Variants in ZDHHC14 observed in about 807,000 individuals in gnomAD.
ZDHHC14 encodes the protein palmitoyltransferase ZDHHC14.
ZDHHC14 carries 16 observed loss-of-function variants against 47.7 expected under a neutral mutation model. That is an observed-to-expected ratio of 0.34 (90% CI 0.23 to 0.51). The LOEUF (loss-of-function observed/expected upper bound fraction) is 0.51, where lower values mean the gene tolerates loss of function less well. Ranked by LOEUF, ZDHHC14 falls within the 20% of genes least tolerant of loss-of-function variation. The pLI is 0.97. For missense variants in ZDHHC14, 515 were observed against 662.5 expected (o/e 0.78, Z 2.44); for synonymous variants, 293 against 278.9 (o/e 1.05, Z -0.50).
At chr6:157,547,993 A>G (rs149423287) in intron 2 of ZDHHC14, among the ~76,000 whole-genome samples, 2,122 of 151,852 alleles carry the variant, frequency 0.014, 51 homozygotes, top group African/African-American at 0.049. Context: ...ATTTTTGCCT[A>G]ATGAGTAGTC....
chr6:157,560,005 T>C (rs1028438264), intron 2 of ZDHHC14, among the ~76,000 whole-genome samples: 1 of 152,164 alleles, frequency 6.6e-6, no homozygotes, highest in Non-Finnish European at 1.5e-5. Context: ...TAGAAGCAAT[T>C]TCTATGCATA....
intron 1 of ZDHHC14, among the ~76,000 whole-genome samples, chr6:157,405,877 C>T (rs143629152): frequency 5.3e-5 from 8 of 152,142 alleles, no homozygotes; most frequent in Admixed American, 4.6e-4. Flanking sequence ...TGTGATGGAG[C>T]GGGTGTGCTA....
chr6:157,650,344 G>A (rs1268918064), intron 7 of ZDHHC14, among the ~76,000 whole-genome samples: 1 of 152,088 alleles, frequency 6.6e-6, no homozygotes, highest in Non-Finnish European at 1.5e-5. Context: ...ACACTGATGG[G>A]GTTAATGTCA....
intron 1 of ZDHHC14, among the ~76,000 whole-genome samples, chr6:157,541,528 T>C (rs1369552586): frequency 6.6e-6 from 1 of 152,200 alleles, no homozygotes; most frequent in Non-Finnish European, 1.5e-5. Context: ...CTTGAGAACA[T>C]AGAAGAGAAT....
intron 3 of ZDHHC14, among the ~76,000 whole-genome samples, chr6:157,608,188 CA>C (rs1478517363): frequency 6.6e-6 from 1 of 152,204 alleles, no homozygotes; most frequent in African/African-American, 2.4e-5. Context: ...TGTATGTGCT[CA>C]GGGGGCGTCC....
chr6:157,550,543 A>G (rs551879705), intron 2 of ZDHHC14, among the ~76,000 whole-genome samples: 1 of 152,022 alleles, frequency 6.6e-6, no homozygotes, highest in Non-Finnish European at 1.5e-5. Context: ...GAGAGACCAC[A>G]GTGTCACACA....
At chr6:157,661,072 C>T (rs1778324230) in intron 8 of ZDHHC14, among the ~76,000 whole-genome samples, 1 of 151,858 alleles carries the variant, frequency 6.6e-6, no homozygotes, top group Non-Finnish European at 1.5e-5. Context: ...ATGTTTCAAG[C>T]CAACAAAGCA....
chr6:157,632,992 C>T (rs970754883), intron 5 of ZDHHC14, 110 bp downstream of exon 5: 97 of 1,181,420 alleles, frequency 8.2e-5, no homozygotes, highest in Non-Finnish European at 1.1e-4. Context: ...TCTCATGTAT[C>T]TTATTCCAAA....
chr6:157,626,513 T>C (rs1055211644), intron 3 of ZDHHC14, among the ~76,000 whole-genome samples: 9 of 151,842 alleles, frequency 5.9e-5, no homozygotes, highest in African/African-American at 2.2e-4. Context: ...AAACACTTAA[T>C]TTTTTTTAGA....
intron 2 of ZDHHC14, among the ~76,000 whole-genome samples, chr6:157,560,923 G>T (rs907895468): frequency 2.6e-5 from 4 of 152,220 alleles, no homozygotes; most frequent in African/African-American, 9.6e-5. Context: ...GAGGCGTGGC[G>T]TGTCTAATCA....
At chr6:157,595,983 C>T (rs1049445339) in intron 3 of ZDHHC14, among the ~76,000 whole-genome samples, 3 of 152,162 alleles carry the variant, frequency 2.0e-5, no homozygotes, top group African/African-American at 4.8e-5. Context: ...AGGAGCACAC[C>T]GCAAGCCGCG....
intron 5 of ZDHHC14, among the ~76,000 whole-genome samples, chr6:157,638,427 G>A (rs1434207940): frequency 2.0e-5 from 3 of 152,146 alleles, no homozygotes; most frequent in African/African-American, 4.8e-5. Flanking sequence ...GCCATGGAGC[G>A]GCTGCCCCGT....
chr6:157,423,473 G>A (rs1218852866), intron 1 of ZDHHC14, among the ~76,000 whole-genome samples: 1 of 152,066 alleles, frequency 6.6e-6, no homozygotes, highest in Non-Finnish European at 1.5e-5. Context: ...TAATAAGCAG[G>A]ATTATATTTT....
intron 1 of ZDHHC14, among the ~76,000 whole-genome samples, chr6:157,428,061 A>G (rs1262462028): frequency 6.6e-6 from 1 of 152,156 alleles, no homozygotes; most frequent in Non-Finnish European, 1.5e-5. Flanking sequence ...TCTGCTGTCG[A>G]TATGTGCTAT....
intron 1 of ZDHHC14, among the ~76,000 whole-genome samples, chr6:157,406,496 C>G (rs1777767971): frequency 6.6e-6 from 1 of 152,152 alleles, no homozygotes; most frequent in African/African-American, 2.4e-5. Flanking sequence ...GTGGAGTATT[C>G]CCAGCTTCAG....
intron 1 of ZDHHC14, among the ~76,000 whole-genome samples, chr6:157,480,557 G>C (rs532041051): frequency 6.6e-6 from 1 of 152,350 alleles, no homozygotes; most frequent in South Asian, 2.1e-4. Context: ...GTGAGTCACT[G>C]TGCCCGGCCT....
intron 1 of ZDHHC14, among the ~76,000 whole-genome samples, chr6:157,387,137 A>G (rs1440298812): frequency 1.3e-5 from 2 of 152,158 alleles, no homozygotes; most frequent in Non-Finnish European, 2.9e-5. Flanking sequence ...TCTCATCACT[A>G]TAAGTCCATT....
At chr6:157,590,631 T>C (rs906758584) in intron 2 of ZDHHC14, among the ~76,000 whole-genome samples, 6 of 152,240 alleles carry the variant, frequency 3.9e-5, no homozygotes, top group Non-Finnish European at 4.4e-5. Flanking sequence ...GGAACCCTCA[T>C]GGAGTACCTC....
chr6:157,381,968 C>G lies in ZDHHC14; in HGVS notation c.-54C>G, dbSNP rs1333481314. On this transcript the variant is annotated 5_prime_UTR_variant, in exon 1 of 9. Coordinates refer to ENST00000359775, the MANE Select transcript of ZDHHC14 (RefSeq NM_024630.3). ...GCGGCGGTCGTGGCTCGGCGGGGCC[C>G]GCGCGGCCGGGGGGCTCCTGGGGGT... 7.8e-5 allele frequency: 82 copies of G among 1,056,300 alleles called. 2 individuals are homozygous for G. In the East Asian group the frequency reaches 5.1e-3, roughly 66 times the overall value. 65.4% of individuals were successfully genotyped at this position (1,056,300 alleles called of 1,614,324 possible). A position where few individuals can be genotyped will look rare whatever the true frequency, so the allele number is the denominator to read the frequency against.
Sources: allele counts gnomAD v4.1 joint callset (sites outside exome capture counted in the v4.1 genomes callset), GRCh38; gene constraint gnomAD v4.1.1; transcripts MANE v1.5; gene names NCBI Gene and HGNC (gene_info 2026-07-23, HGNC 2026-07-21).